CERT1: variants seen among roughly 807,000 people sequenced by gnomAD.
CERT1 encodes ceramide transporter 1.
A neutral mutation model predicts 87.9 loss-of-function variants in CERT1; 31 were observed. The ratio of observed to expected loss-of-function variants is 0.35; its 90% CI spans 0.27 to 0.48. The LOEUF (loss-of-function observed/expected upper bound fraction) is 0.48, where lower values mean the gene tolerates loss of function less well. Ranked by LOEUF, CERT1 falls within the 20% of genes least tolerant of loss-of-function variation. The pLI is 0.99. For missense variants in CERT1, 487 were observed against 758.0 expected (o/e 0.64, Z 4.20); for synonymous variants, 289 against 250.9 (o/e 1.15, Z -1.44).
Position 75,433,953 on chromosome 5 carries a change from C to A in CERT1, c.349-7475G>T, listed in dbSNP as rs557062247. ...ATTATCTGTGAAGATAGTCTGACTT[C>A]CTCTTTTCCAATCCAGATGCCTTTT... On this transcript the variant is annotated intron_variant, in intron 3 of 16. Coordinates refer to ENST00000643780, the MANE Select transcript of CERT1 (RefSeq NM_001379029.1). 3.2e-3 allele frequency among the ~76,000 whole-genome samples: 491 copies of A among 152,284 alleles called. 2 individuals are homozygous for A. The highest frequency in any genetic ancestry group is 5.3e-3 in the Non-Finnish European group (361 of 68,024).
intron 2 of CERT1, among the ~76,000 whole-genome samples, chr5:75,489,064 CAGAAT>C (rs1302143474): frequency 6.6e-6 from 1 of 152,068 alleles, no homozygotes; most frequent in African/African-American, 2.4e-5. Flanking sequence ...TAGACCAGAA[CAGAAT>C]AGAGGCCTCA....
Position 75,389,229 on chromosome 5 carries a change from T to A in CERT1, c.1284+363A>T, listed in dbSNP as rs529907032. On this transcript the variant is annotated intron_variant, in intron 12 of 16. Coordinates refer to ENST00000643780, the MANE Select transcript of CERT1 (RefSeq NM_001379029.1). ...AAAAAGGGAGAGAAACAAAGTGTCA[T>A]CTAGGCACAACATTCAGTATGTTAA... Among the ~76,000 whole-genome samples the A allele has an allele frequency of 2.6e-5, 4 of 152,240 alleles. No homozygotes were observed. In the South Asian group the frequency reaches 8.3e-4, roughly 32 times the overall value.
intron 8 of CERT1, among the ~76,000 whole-genome samples, chr5:75,407,139 A>G (rs1194498743): frequency 6.6e-6 from 1 of 152,178 alleles, no homozygotes; most frequent in Admixed American, 6.5e-5. Flanking sequence ...TAATTAGAGT[A>G]CCCTTAACCA....
Position 75,381,211 on chromosome 5 carries a change from C to T in CERT1, c.1618-10G>A. 6.2e-7 allele frequency: 1 copy of T among 1,612,830 alleles called. No individual in the cohort carries two copies. ...CACATCGGTTGTTTAGCTGCCAAAACAAAAAACAAAGCATCAGTAGATACC... is the reference window on the plus strand; with the variant it reads ...CACATCGGTTGTTTAGCTGCCAAAATAAAAAACAAAGCATCAGTAGATACC... On this transcript the variant is annotated splice_polypyrimidine_tract_variant and intron_variant, in intron 15 of 16. Transcript: ENST00000643780.
chr5:75,480,609 T>G (rs1027486636), intron 2 of CERT1, among the ~76,000 whole-genome samples: 20 of 152,280 alleles, frequency 1.3e-4, no homozygotes, highest in Admixed American at 5.9e-4. Flanking sequence ...GTCTCCAGAC[T>G]TTTTTACTCA....
intron 2 of CERT1, among the ~76,000 whole-genome samples, chr5:75,481,291 C>A (rs544752632): frequency 9.9e-5 from 15 of 152,234 alleles, no homozygotes; most frequent in Non-Finnish European, 1.9e-4. Flanking sequence ...TCTCAAATTC[C>A]CCATTTCACT....
In CERT1 at chr5:75,385,916, C is replaced by T. The variant is rs1403834959; in HGVS notation, c.1403G>A (p.Arg468His). 4 of 1,537,164 alleles carry T rather than the reference C, an allele frequency of 2.6e-6. No individual in the cohort carries two copies. The highest frequency in any genetic ancestry group is 3.5e-6 in the Non-Finnish European group (4 of 1,144,640). Residue 468 changes from arginine to histidine, a missense_variant, in exon 13 of 17, where the codon CGC becomes CAC. Physicochemically the swap from Arg to His is conservative, Grantham distance 29. Around this residue, in one of 8 missense-constraint regions of CERT1, gnomAD observed 147 missense variants for 200.8 expected, o/e 0.73. Coordinates refer to ENST00000643780, the MANE Select transcript of CERT1 (RefSeq NM_001379029.1). ...TGACAGCTTACTTTCCCAGTCATTG[C>T]GAACGTCAACATTCCAGAAATAATT... Reference protein sequence around the residue: ...VCNYFWNVDVRNDWETTIENF... With the variant: ...VCNYFWNVDVHNDWETTIENF...
intron 8 of CERT1, among the ~76,000 whole-genome samples, chr5:75,403,583 G>A (rs1265753984): frequency 6.6e-6 from 1 of 152,188 alleles, no homozygotes; most frequent in Non-Finnish European, 1.5e-5. Flanking sequence ...TTGCAATGAG[G>A]TAAGTAAAAA....
intron 2 of CERT1, among the ~76,000 whole-genome samples, chr5:75,486,173 T>C (rs754543119): frequency 1.3e-5 from 2 of 152,172 alleles, no homozygotes; most frequent in African/African-American, 2.4e-5. Flanking sequence ...ATGGAATTTA[T>C]CCCAGGGATG....
intron 12 of CERT1, among the ~76,000 whole-genome samples, chr5:75,388,780 G>A (rs1761917935): frequency 6.6e-6 from 1 of 151,332 alleles, no homozygotes; most frequent in South Asian, 2.1e-4. Flanking sequence ...GTGTGGTACT[G>A]CACCCAGCTA....
chr5:75,447,234 CA>C (rs1286635110), intron 3 of CERT1, among the ~76,000 whole-genome samples: 1 of 152,044 alleles, frequency 6.6e-6, no homozygotes, highest in African/African-American at 2.4e-5. Flanking sequence ...TCCAGAGTTT[CA>C]AAACAGTTAT....
chr5:75,397,107 GGAAC>G (rs1319724501), intron 11 of CERT1, among the ~76,000 whole-genome samples: 1 of 152,154 alleles, frequency 6.6e-6, no homozygotes, highest in African/African-American at 2.4e-5. Flanking sequence ...CTATTATAAA[GGAAC>G]TGCTGAACAT....
chr5:75,479,654 G>A (rs1766134297), intron 2 of CERT1, among the ~76,000 whole-genome samples: 1 of 152,118 alleles, frequency 6.6e-6, no homozygotes, highest in Non-Finnish European at 1.5e-5. Context: ...ATTCCATGGT[G>A]TCTATGTACC....
intron 3 of CERT1, among the ~76,000 whole-genome samples, chr5:75,429,501 C>A (rs929723681): frequency 2.0e-5 from 3 of 152,100 alleles, no homozygotes; most frequent in African/African-American, 7.2e-5. Flanking sequence ...CCCTGCCTGC[C>A]CAAAATATCC....
chr5:75,476,301 T>C (rs895701351), intron 2 of CERT1, among the ~76,000 whole-genome samples: 3 of 152,246 alleles, frequency 2.0e-5, no homozygotes, highest in Non-Finnish European at 4.4e-5. Context: ...TCTGTTAAGA[T>C]ATAAGAAAAG....
chr5:75,474,169 T>C (rs994357930), intron 2 of CERT1, among the ~76,000 whole-genome samples: 11 of 152,204 alleles, frequency 7.2e-5, no homozygotes, highest in African/African-American at 2.7e-4. Context: ...TGCCCTGTTC[T>C]GTTTCTCTCT....
intron 1 of CERT1, 136 bp downstream of exon 1, chr5:75,510,976 T>C: frequency 8.2e-7 from 1 of 1,224,134 alleles, no homozygotes; most frequent in Non-Finnish European, 1.1e-6. Flanking sequence ...GCCTCATCCC[T>C]AGTCGCTGCA....
intron 3 of CERT1, among the ~76,000 whole-genome samples, chr5:75,455,399 G>T (rs1199124124): frequency 6.6e-6 from 1 of 152,120 alleles, no homozygotes; most frequent in Non-Finnish European, 1.5e-5. Flanking sequence ...TATGCTACAG[G>T]AATAAACAAA....
chr5:75,501,984 A>C lies in CERT1; in HGVS notation c.231+3998T>G, dbSNP rs1461609688. 6.6e-5 allele frequency among the ~76,000 whole-genome samples: 10 copies of C among 152,282 alleles called. No individual in the cohort carries two copies. The East Asian group carries it at 1.2e-3, about 18-fold the overall frequency. ...AAGATGTCAATAAGAGTATGTAAAA[A>C]TCTAAGATTTCTCTAGGGCCTAATA... On this transcript the variant is annotated intron_variant, in intron 2 of 16. Coordinates refer to ENST00000643780, the MANE Select transcript of CERT1 (RefSeq NM_001379029.1).
Sources: allele counts gnomAD v4.1 joint callset (sites outside exome capture counted in the v4.1 genomes callset), GRCh38; gene constraint gnomAD v4.1.1; regional missense constraint gnomAD v4.1.1; transcripts MANE v1.5; gene names NCBI Gene and HGNC (gene_info 2026-07-23, HGNC 2026-07-21).